The following TRAF1 variants were observed in gnomAD, a reference collection of about 807,000 sequenced individuals.
TRAF1 encodes the protein TNF receptor associated factor 1.
Under a neutral mutation model 40.9 loss-of-function variants are expected in TRAF1, and 23 were observed. The ratio of observed to expected loss-of-function variants is 0.56; its 90% confidence interval spans 0.40 to 0.80. The LOEUF (loss-of-function observed/expected upper bound fraction) is 0.80, where lower values mean the gene tolerates loss of function less well. Ranked by LOEUF, TRAF1 falls within the 30% of genes least tolerant of loss-of-function variation. The pLI, the probability that TRAF1 is intolerant of heterozygous loss-of-function variation, is 0.00. For synonymous variants in TRAF1, 206 were observed against 218.8 expected, an observed-to-expected ratio of 0.94 and a Z score of 0.52; for missense variants, 477 against 528.7, an observed-to-expected ratio of 0.90 and a Z score of 0.96.
chr9:120,923,614 G>T, intron 3 of TRAF1, 91 bp downstream of exon 3: 1 of 1,234,914 alleles, frequency 8.1e-7, no homozygotes, highest in Non-Finnish European at 1.2e-6. Context: ...GGAGGTGCCT[G>T]CCAGGGGTGG....
Position 120,913,748 on chromosome 9 carries a change from G to T in TRAF1, c.295-10C>A. 6.4e-7 allele frequency: 1 copy of T among 1,550,434 alleles called. No individual in the cohort carries two copies. Among genetic ancestry groups the T allele is most frequent in the Non-Finnish European group, 8.7e-7 (1 of 1,146,148 alleles). ...CAGACTGTGGGCTTCCCTGACAAGA[G>T]AGTGGGGCTGATCAGTGAAAACAGA... On this transcript the variant is annotated splice_polypyrimidine_tract_variant and intron_variant, in intron 4 of 7. Transcript: ENST00000373887.
chr9:120,919,482 C>A (rs1313394845), intron 3 of TRAF1, among the ~76,000 whole-genome samples: 1 of 152,140 alleles, frequency 6.6e-6, no homozygotes, highest in Non-Finnish European at 1.5e-5. Context: ...GCCACCTCTG[C>A]AGCCCCTGCA....
intron 7 of TRAF1, among the ~76,000 whole-genome samples, chr9:120,907,449 A>G (rs1250588824): frequency 2.0e-5 from 3 of 152,208 alleles, no homozygotes; most frequent in East Asian, 1.9e-4. Flanking sequence ...TTTGTGTAAC[A>G]TAAGTTTTCA....
At chr9:120,923,857 G>C in intron 2 of TRAF1, 65 bp from the exon 3 acceptor site, 1 of 1,403,366 alleles carries the variant, frequency 7.1e-7, no homozygotes, top group Non-Finnish European at 1.0e-6. Context: ...CCACTCTCCT[G>C]ACAGCTCCAG....
intron 7 of TRAF1, among the ~76,000 whole-genome samples, chr9:120,906,090 T>G (rs1248933685): frequency 6.6e-6 from 1 of 151,922 alleles, no homozygotes; most frequent in Non-Finnish European, 1.5e-5. Context: ...GTCTCTATTC[T>G]TGACACCCTC....
At chr9:120,924,717 C>T (rs2046627392) in intron 2 of TRAF1, among the ~76,000 whole-genome samples, 1 of 152,186 alleles carries the variant, frequency 6.6e-6, no homozygotes, top group Admixed American at 6.5e-5. Context: ...GCCTGGCCAG[C>T]AACTGTGTTT....
In TRAF1 at chr9:120,904,745, C is replaced by T. The variant is rs12379910; in HGVS notation, c.*275G>A. On this transcript the variant is annotated 3_prime_UTR_variant, in exon 8 of 8. Transcript: ENST00000373887. ...GAGAGTCCACCTCAACATTCGGGGC[C>T]GGAGTGGCTCACTGGCCTCCCAGTG... 0.026 allele frequency: 12,496 copies of T among 473,682 alleles called. 955 individuals are homozygous for T. Among genetic ancestry groups the T allele is most frequent in the African/African-American group, 0.19 (9,639 of 51,298 alleles). 29.3% of individuals were successfully genotyped at this position (473,682 alleles called of 1,614,324 possible). A position where few individuals can be genotyped will look rare whatever the true frequency, so the allele number is the denominator to read the frequency against.
At chr9:120,909,438 G>A in intron 6 of TRAF1, 60 bp from the exon 7 acceptor site, 2 of 1,588,380 alleles carry the variant, frequency 1.3e-6, no homozygotes, top group South Asian at 1.1e-5. Flanking sequence ...GTGGGACTGG[G>A]ATCCAGTGGT....
Position 120,905,119 on chromosome 9 carries a change from G to A in TRAF1, c.1152C>T (p.Cys384=), listed in dbSNP as rs777622191. The A allele has an allele frequency of 6.8e-6, 11 of 1,614,146 alleles. No individual in the cohort carries two copies. Among genetic ancestry groups the A allele is most frequent in the Non-Finnish European group, 9.3e-6 (11 of 1,180,052 alleles). The part of the protein sequence containing the change: ...PQSETNVASG[C]PLFFPLSKLQ... ...GTTTGCTGAGGGGGAAGAAGAGTGG[G>A]CATCCACTGGCCACGTTGGTTTCAC... Residue 384 remains cysteine, a synonymous_variant, in exon 8 of 8, where the codon TGC becomes TGT. Transcript: ENST00000373887.
rs1248593322 is a variant in TRAF1 at position 120,904,923 on chromosome 9, CT to C, written c.*96del. 2 of 1,263,622 alleles carry C rather than the reference CT, an allele frequency of 1.6e-6. No homozygotes were observed. Among genetic ancestry groups the C allele is most frequent in the Admixed American group, 4.2e-5 (2 of 47,502 alleles). 78.3% of individuals were successfully genotyped at this position (1,263,622 alleles called of 1,614,324 possible). ...TTGGATCATGCCAGCCTTCACCCAT[CT>C]TTGTGCCCTGAGGTCTTGGGTGCCA... On this transcript the variant is annotated 3_prime_UTR_variant, in exon 8 of 8. Coordinates refer to ENST00000373887, the MANE Select transcript of TRAF1 (RefSeq NM_005658.5).
intron 4 of TRAF1, 71 bp downstream of exon 4, chr9:120,914,164 G>A (rs2046552250): frequency 2.3e-6 from 3 of 1,290,248 alleles, no homozygotes; most frequent in South Asian, 4.3e-5. Flanking sequence ...TCATGGAGGG[G>A]CTGCAGTGGG....
intron 5 of TRAF1, among the ~76,000 whole-genome samples, chr9:120,912,373 T>C (rs1466648132): frequency 6.6e-6 from 1 of 152,138 alleles, no homozygotes; most frequent in African/African-American, 2.4e-5. Flanking sequence ...AAGAAAAGTA[T>C]AGGCCAGGCG....
chr9:120,912,756 C>G (rs952403308), intron 5 of TRAF1, among the ~76,000 whole-genome samples: 1 of 152,204 alleles, frequency 6.6e-6, no homozygotes, highest in African/African-American at 2.4e-5. Flanking sequence ...AGTGGATTAT[C>G]TGGAGTCAGC....
intron 3 of TRAF1, among the ~76,000 whole-genome samples, chr9:120,919,024 G>A (rs553921634): frequency 7.4e-4 from 113 of 152,308 alleles, no homozygotes; most frequent in African/African-American, 2.7e-3. Context: ...CCTGGAGTCC[G>A]TGTGCAGGCT....
intron 3 of TRAF1, among the ~76,000 whole-genome samples, chr9:120,918,965 G>A (rs1475949801): frequency 6.6e-6 from 1 of 152,178 alleles, no homozygotes; most frequent in Non-Finnish European, 1.5e-5. Context: ...GCCCAGGGGC[G>A]ATCAGTGACT....
intron 7 of TRAF1, among the ~76,000 whole-genome samples, chr9:120,907,939 C>G (rs758510300): frequency 2.0e-5 from 3 of 152,064 alleles, no homozygotes; most frequent in Non-Finnish European, 2.9e-5. Flanking sequence ...GTCACCCAAG[C>G]TAGAGTGCAG....
chr9:120,906,982 C>A (rs372930971), intron 7 of TRAF1, among the ~76,000 whole-genome samples: 1 of 152,178 alleles, frequency 6.6e-6, no homozygotes, highest in East Asian at 1.9e-4. Flanking sequence ...GATTCTCGTG[C>A]CTCAGCCTCC....
rs910735852 is a variant in TRAF1, at chr9:120,903,044, C to T, written c.*1976G>A. 1 of 152,228 alleles carries T rather than the reference C, an allele frequency of 6.6e-6. No individual in the cohort carries two copies. Among genetic ancestry groups the T allele is most frequent in the African/African-American group, 2.4e-5 (1 of 41,456 alleles). 9.4% of individuals were successfully genotyped at this position (152,228 alleles called of 1,614,324 possible). On this transcript the variant is annotated 3_prime_UTR_variant, in exon 8 of 8. Coordinates refer to ENST00000373887, the MANE Select transcript of TRAF1 (RefSeq NM_005658.5). ...CAAATCCCCCCTTGGGCTCAACACTCGGTGAGTAGGGATCAAGAGGTTATT... is the reference window on the plus strand; with the variant it reads ...CAAATCCCCCCTTGGGCTCAACACTTGGTGAGTAGGGATCAAGAGGTTATT...
At chr9:120,925,021 C>T (rs996691798) in intron 2 of TRAF1, among the ~76,000 whole-genome samples, 2 of 152,248 alleles carry the variant, frequency 1.3e-5, no homozygotes, top group East Asian at 3.8e-4. Flanking sequence ...TGAACCTCTG[C>T]TCCTCCACCT....
Sources: allele counts gnomAD v4.1 joint callset (sites outside exome capture counted in the v4.1 genomes callset), GRCh38; gene constraint gnomAD v4.1.1; transcripts MANE v1.5; gene names NCBI Gene and HGNC (gene_info 2026-07-23, HGNC 2026-07-21).